ERC2: variants seen among roughly 807,000 people sequenced by gnomAD.
ERC2 encodes ERC protein 2.
ERC2 carries 42 observed loss-of-function variants against 114.8 expected under a neutral mutation model. That is an observed-to-expected ratio of 0.37 (90% confidence interval 0.29 to 0.47). ERC2 has a LOEUF of 0.47. ERC2 is among the 20% of genes least tolerant of loss of function. The pLI is 0.99. For missense variants in ERC2, 939 were observed against 1,150.7 expected (o/e 0.82, Z 2.66); for synonymous variants, 454 against 425.5 (o/e 1.07, Z -0.82).
intron 2 of ERC2, among the ~76,000 whole-genome samples, chr3:56,405,890 T>TC (rs1415610806): frequency 2.9e-5 from 4 of 138,886 alleles, no homozygotes; most frequent in African/African-American, 8.2e-5. Flanking sequence ...TTTTTTTCTT[T>TC]TTTTTTTTTT....
At chr3:56,421,797 A>G (rs972415966) in intron 2 of ERC2, among the ~76,000 whole-genome samples, 1 of 152,090 alleles carries the variant, frequency 6.6e-6, no homozygotes, top group Non-Finnish European at 1.5e-5. Flanking sequence ...AATGTCTAGT[A>G]GGTATCATTA....
At chr3:55,910,030 T>C (rs143261985) in intron 13 of ERC2, among the ~76,000 whole-genome samples, 22 of 152,288 alleles carry the variant, frequency 1.4e-4, no homozygotes, top group African/African-American at 5.1e-4. Flanking sequence ...TTGTTTTTTT[T>C]CTCTAAATAT....
At chr3:55,690,934 T>C (rs1159184375) in intron 16 of ERC2, among the ~76,000 whole-genome samples, 1 of 152,214 alleles carries the variant, frequency 6.6e-6, no homozygotes, top group African/African-American at 2.4e-5. Context: ...CTCCCTCTCC[T>C]GTAGCTCTTA....
chr3:55,825,991 G>C (rs2060311120), intron 14 of ERC2, among the ~76,000 whole-genome samples: 1 of 151,380 alleles, frequency 6.6e-6, no homozygotes, highest in Non-Finnish European at 1.5e-5. Context: ...AGGAAAGACA[G>C]AGGGAGGGAA....
chr3:56,291,315 C>A (rs1231200991), intron 3 of ERC2, among the ~76,000 whole-genome samples: 2 of 152,184 alleles, frequency 1.3e-5, no homozygotes, highest in Non-Finnish European at 2.9e-5. Context: ...TTTCGGCCAA[C>A]CCTTTGGCTC....
At chr3:56,209,428 G>A (rs1036129615) in intron 3 of ERC2, among the ~76,000 whole-genome samples, 1 of 152,164 alleles carries the variant, frequency 6.6e-6, no homozygotes, top group Non-Finnish European at 1.5e-5. Flanking sequence ...CCAGGCCAGA[G>A]GGAACAGGCA....
chr3:56,134,620 T>C (rs1180674516), intron 6 of ERC2, among the ~76,000 whole-genome samples: 2 of 152,200 alleles, frequency 1.3e-5, no homozygotes, highest in Non-Finnish European at 1.5e-5. Flanking sequence ...GTGTTGATTA[T>C]ATTTTTTAGA....
intron 2 of ERC2, among the ~76,000 whole-genome samples, chr3:56,413,059 G>A (rs1399885232): frequency 1.3e-5 from 2 of 152,154 alleles, no homozygotes; most frequent in Non-Finnish European, 2.9e-5. Flanking sequence ...ATGGAAAAAG[G>A]AGTGCCTAAT....
At chr3:55,544,439 T>C (rs1036934599) in intron 17 of ERC2, among the ~76,000 whole-genome samples, 3 of 152,140 alleles carry the variant, frequency 2.0e-5, no homozygotes, top group African/African-American at 7.2e-5. Context: ...CCTTTGTCTC[T>C]GGCTGGAAAG....
At chr3:55,730,108 G>T (rs555196577) in intron 15 of ERC2, among the ~76,000 whole-genome samples, 1 of 152,186 alleles carries the variant, frequency 6.6e-6, no homozygotes, top group South Asian at 2.1e-4. Flanking sequence ...GTGAGGTATG[G>T]GGGCTGATCA....
intron 3 of ERC2, among the ~76,000 whole-genome samples, chr3:56,186,685 C>T (rs4974119): frequency 0.45 from 67,615 of 151,770 alleles, 15,676 homozygotes; most frequent in East Asian, 0.7. Context: ...ATTACAGGTG[C>T]CTGCCACCAT....
chr3:56,330,240 T>C (rs1269119082), intron 2 of ERC2, among the ~76,000 whole-genome samples: 1 of 152,132 alleles, frequency 6.6e-6, no homozygotes, highest in Non-Finnish European at 1.5e-5. Flanking sequence ...GGTTTCGCTA[T>C]GTTGCCCACA....
At chr3:56,366,508 G>C (rs941560120) in intron 2 of ERC2, among the ~76,000 whole-genome samples, 1 of 152,156 alleles carries the variant, frequency 6.6e-6, no homozygotes, top group Non-Finnish European at 1.5e-5. Flanking sequence ...CAGGCTGTCA[G>C]GTCTGTGACA....
chr3:55,669,575 T>G (rs4955863), intron 17 of ERC2, among the ~76,000 whole-genome samples: 98,080 of 152,150 alleles, frequency 0.64, 31,715 homozygotes, highest in Admixed American at 0.69. Flanking sequence ...AAAACATGAT[T>G]GTATTTCTTG....
chr3:55,556,600 C>T (rs998283758), intron 17 of ERC2, among the ~76,000 whole-genome samples: 2 of 152,206 alleles, frequency 1.3e-5, no homozygotes, highest in Non-Finnish European at 2.9e-5. Context: ...GGAAAGGCAC[C>T]TGCTCTTTGC....
chr3:56,031,246 C>A (rs1216946030), intron 7 of ERC2, among the ~76,000 whole-genome samples: 1 of 152,184 alleles, frequency 6.6e-6, no homozygotes, highest in Non-Finnish European at 1.5e-5. Context: ...TCCCTGTGGA[C>A]CCCAACCCAA....
intron 14 of ERC2, among the ~76,000 whole-genome samples, chr3:55,816,188 A>G (rs973798363): frequency 3.9e-5 from 6 of 152,210 alleles, no homozygotes; most frequent in African/African-American, 1.2e-4. Flanking sequence ...GTGAATCCCA[A>G]ATGGGGGAAT....
At chr3:56,054,590 A>G (rs1160780475) in intron 7 of ERC2, among the ~76,000 whole-genome samples, 1 of 152,144 alleles carries the variant, frequency 6.6e-6, no homozygotes, top group Admixed American at 6.5e-5. Flanking sequence ...CCATTGTATC[A>G]TTTCATTCTC....
At chr3:55,583,399 T>C (rs9809841) in intron 17 of ERC2, among the ~76,000 whole-genome samples, 16,965 of 86,112 alleles carry the variant, frequency 0.2, 1,938 homozygotes, top group South Asian at 0.33. Context: ...TCCTTCCTTC[T>C]TTCCTTCCTT....
Sources: allele counts gnomAD v4.1 joint callset (sites outside exome capture counted in the v4.1 genomes callset), GRCh38; gene constraint gnomAD v4.1.1; transcripts MANE v1.5; gene names NCBI Gene and HGNC (gene_info 2026-07-23, HGNC 2026-07-21).